Variants in PCBP3 observed in about 807,000 individuals in gnomAD.
PCBP3 encodes poly(rC)-binding protein 3.
PCBP3 carries 25 observed loss-of-function variants against 52.7 expected under a neutral mutation model. The observed-to-expected ratio is 0.47, with a 90% CI of 0.35 to 0.66. The LOEUF (loss-of-function observed/expected upper bound fraction) is 0.66. Ranked by LOEUF, PCBP3 falls within the 30% of genes least tolerant of loss-of-function variation. The pLI is 0.01. For synonymous variants in PCBP3, 162 were observed against 183.0 expected (o/e 0.89, Z 0.93); for missense variants, 391 against 490.3 (o/e 0.80, Z 1.91).
intron 15 of PCBP3, among the ~76,000 whole-genome samples, chr21:45,934,224 G>A (rs1325672184): frequency 2.0e-5 from 3 of 152,128 alleles, no homozygotes; most frequent in Non-Finnish European, 4.4e-5. Context: ...TGCAGAATCC[G>A]AGTTACAAGA....
At chr21:45,726,568 T>A (rs1318287137) in intron 2 of PCBP3, among the ~76,000 whole-genome samples, 1 of 152,116 alleles carries the variant, frequency 6.6e-6, no homozygotes, top group African/African-American at 2.4e-5. Flanking sequence ...CCCCTGTCAG[T>A]GGGTTGCAGG....
chr21:45,840,567 A>G (rs2085731177), intron 4 of PCBP3, among the ~76,000 whole-genome samples: 1 of 152,176 alleles, frequency 6.6e-6, no homozygotes, highest in South Asian at 2.1e-4. Flanking sequence ...TAAAGTCTAC[A>G]GTAGTCATCC....
Position 45,904,247 on chromosome 21 carries a change from A to G in PCBP3, c.339+3134A>G, listed in dbSNP as rs1050736039. Reference sequence around the variant, plus strand: ...GTACAAGCCTTCCAGTCATCAGTCCATGGAGGAAGAGCTGAGATGTCTCCA... The same window carrying G: ...GTACAAGCCTTCCAGTCATCAGTCCGTGGAGGAAGAGCTGAGATGTCTCCA... On this transcript the variant is annotated intron_variant, in intron 9 of 17. Coordinates refer to ENST00000681687, the MANE Select transcript of PCBP3 (RefSeq NM_001384156.1). The surrounding 1 kb of genome is among the most constrained non-coding windows in gnomAD (Gnocchi z 4.8). 1.3e-5 allele frequency among the ~76,000 whole-genome samples: 2 copies of G among 152,232 alleles called. No individual in the cohort carries two copies. The highest frequency in any genetic ancestry group is 2.4e-5 in the African/African-American group (1 of 41,462).
chr21:45,702,523 G>GCACAC (rs1440837110), intron 2 of PCBP3, among the ~76,000 whole-genome samples: 1 of 152,114 alleles, frequency 6.6e-6, no homozygotes, highest in East Asian at 1.9e-4. Flanking sequence ...TTACACTCTA[G>GCACAC]TCTATTGTGT....
intron 14 of PCBP3, 99 bp downstream of exon 14, chr21:45,930,094 T>G: frequency 3.4e-6 from 3 of 872,028 alleles, no homozygotes; most frequent in Non-Finnish European, 5.5e-6. Flanking sequence ...ACAGGTGCAG[T>G]TGGATTTGTG....
At chr21:45,926,476 C>T (rs2075425665) in intron 13 of PCBP3, among the ~76,000 whole-genome samples, 1 of 152,198 alleles carries the variant, frequency 6.6e-6, no homozygotes, top group Admixed American at 6.5e-5. Flanking sequence ...CAGAAGGAGG[C>T]ACTGTGATCA....
At position 45,855,061 on chromosome 21, in the gene PCBP3, AGTG is replaced by A. The variant is rs572280245; in HGVS notation, c.10+4970_10+4972del. On this transcript the variant is annotated intron_variant, in intron 5 of 17. Transcript: ENST00000681687. ...CCCTAGGCAGCCTTATGGCGACAAT[AGTG>A]GTGCCAGGAATGGCCAAGGGGGTCC... 1.4e-4 allele frequency among the ~76,000 whole-genome samples: 21 copies of A among 152,262 alleles called. 1 individual carries two copies. Among genetic ancestry groups the A allele is most frequent in the African/African-American group, 5.1e-4 (21 of 41,564 alleles).
chr21:45,909,421 G>T lies in PCBP3; in HGVS notation c.406G>T (p.Val136Leu). The change falls in exon 10 of 18, where the codon GTG (valine) becomes TTG (leucine). Residue 136 changes from valine to leucine, a missense_variant. Coordinates refer to ENST00000681687, the MANE Select transcript of PCBP3 (RefSeq NM_001384156.1). Reference sequence around the variant, plus strand: ...GCCCCCAGTGACGCTGAGGCTGGTGGTGCCTGCCAGCCAGTGTGGGTCCCT... The same window carrying T: ...GCCCCCAGTGACGCTGAGGCTGGTGTTGCCTGCCAGCCAGTGTGGGTCCCT... ...SKPPVTLRLV[V>L]PASQCGSLIG... The T allele has an allele frequency of 6.2e-7, 1 of 1,613,282 alleles. No homozygotes were observed. The highest frequency in any genetic ancestry group is 8.5e-7 in the Non-Finnish European group (1 of 1,179,720).
At chr21:45,793,127 A>G (rs992059856) in intron 4 of PCBP3, among the ~76,000 whole-genome samples, 1 of 152,224 alleles carries the variant, frequency 6.6e-6, no homozygotes, top group African/African-American at 2.4e-5. Flanking sequence ...CAAGCACAGC[A>G]GAAAGAAGAC....
In PCBP3 at chr21:45,817,033, A is replaced by G. The variant is rs144421183; in HGVS notation, c.-125-32928A>G. Among the ~76,000 whole-genome samples, 1 of 152,282 alleles carries G rather than the reference A, an allele frequency of 6.6e-6. No individual in the cohort carries two copies. Among genetic ancestry groups the G allele is most frequent in the Non-Finnish European group, 1.5e-5 (1 of 68,028 alleles). On this transcript the variant is annotated intron_variant, in intron 4 of 17. Transcript: ENST00000681687. The surrounding 1 kb of genome is among the most constrained non-coding windows in gnomAD (Gnocchi z 4.3). ...TAATTTTAAGGGACGGCTGTGGTATATGGCACGTCTGTTGTTGCCTGAAAT... is the reference window on the plus strand; with the variant it reads ...TAATTTTAAGGGACGGCTGTGGTATGTGGCACGTCTGTTGTTGCCTGAAAT...
chr21:45,878,901 G>A (rs2095334032), intron 5 of PCBP3, among the ~76,000 whole-genome samples: 3 of 152,132 alleles, frequency 2.0e-5, no homozygotes, highest in Admixed American at 1.3e-4. Flanking sequence ...GAGCAGCTGC[G>A]CCACCGTGCT....
At chr21:45,934,262 C>T (rs990913064) in intron 15 of PCBP3, among the ~76,000 whole-genome samples, 6 of 152,078 alleles carry the variant, frequency 3.9e-5, no homozygotes, top group Non-Finnish European at 8.8e-5. Context: ...AGGGGAAGAG[C>T]AGAGTGTCAG....
At position 45,917,567 on chromosome 21, in the gene PCBP3, G is replaced by A. The variant is rs754241647; in HGVS notation, c.676-21G>A. The A allele has an allele frequency of 1.0e-4, 162 of 1,604,730 alleles. 2 individuals carry two copies. The highest frequency in any genetic ancestry group is 6.9e-4 in the South Asian group (63 of 90,882). On this transcript the variant is annotated intron_variant, in intron 12 of 17. Coordinates refer to ENST00000681687, the MANE Select transcript of PCBP3 (RefSeq NM_001384156.1). The surrounding 1 kb of genome is among the most constrained non-coding windows in gnomAD (Gnocchi z 5.3). ...TGGTGCAGCCAGGTTGCAGTCTGAC[G>A]GGGTCTCTCTCTCTCTCTAGGCCTA...
chr21:45,663,025 T>G lies in PCBP3; in HGVS notation c.-278-5849T>G, dbSNP rs528100374. ...AGGCTTAACCGTCTCCCTGTGATAC[T>G]GTGCTTCAGCTGTCACACTCCTGGT... On this transcript the variant is annotated intron_variant, in intron 1 of 17. Transcript: ENST00000681687. Among the ~76,000 whole-genome samples, 27 of 152,346 alleles carry G rather than the reference T, an allele frequency of 1.8e-4. No individual in the cohort carries two copies. The East Asian group carries it at 4.6e-3, about 26-fold the overall frequency.
Position 45,928,676 on chromosome 21 carries a change from G to A in PCBP3, c.718-1241G>A, listed in dbSNP as rs1008022956. Among the ~76,000 whole-genome samples, 6 of 152,080 alleles carry A rather than the reference G, an allele frequency of 3.9e-5. No individual in the cohort carries two copies. Among genetic ancestry groups the A allele is most frequent in the East Asian group, 1.9e-4 (1 of 5,152 alleles). On this transcript the variant is annotated intron_variant, in intron 13 of 17. Transcript: ENST00000681687. The surrounding 1 kb of genome is among the most constrained non-coding windows in gnomAD (Gnocchi z 4.1). Reference sequence around the variant, plus strand: ...CACGTGCAGATGGCAGCTCTGCTCCGAGCGCCCACACCCCCCAGCATTGGT... The same window carrying A: ...CACGTGCAGATGGCAGCTCTGCTCCAAGCGCCCACACCCCCCAGCATTGGT...
intron 15 of PCBP3, among the ~76,000 whole-genome samples, chr21:45,935,038 T>C (rs1233586869): frequency 6.6e-6 from 1 of 152,194 alleles, no homozygotes; most frequent in Non-Finnish European, 1.5e-5. Context: ...GGGTTTCTCT[T>C]TCCTTCTTTT....
At chr21:45,663,101 A>C (rs1356617865) in intron 1 of PCBP3, among the ~76,000 whole-genome samples, 1 of 152,178 alleles carries the variant, frequency 6.6e-6, no homozygotes, top group African/African-American at 2.4e-5. Context: ...TGACAACAGT[A>C]GCAAAATTAG....
At chr21:45,873,554 T>C (rs909429) in intron 5 of PCBP3, among the ~76,000 whole-genome samples, 41,396 of 152,038 alleles carry the variant, frequency 0.27, 8,400 homozygotes, top group African/African-American at 0.58. Context: ...TGTGCTGTCT[T>C]TCAGACGCTG....
intron 2 of PCBP3, among the ~76,000 whole-genome samples, chr21:45,678,939 T>C (rs1035087828): frequency 2.6e-5 from 4 of 152,128 alleles, no homozygotes; most frequent in African/African-American, 9.7e-5. Flanking sequence ...ACTTTAGTGT[T>C]GTCTTATTTT....
Sources: gnomAD v4.1 joint callset for allele counts (sites outside exome capture counted in the v4.1 genomes callset) on GRCh38, gnomAD v4.1.1 for gene constraint, Gnocchi (gnomAD v3.1) non-coding constraint, MANE v1.5 for transcripts, NCBI Gene and HGNC (gene_info 2026-07-23, HGNC 2026-07-21) for gene names.